Variants in RNF175 observed in about 807,000 individuals in gnomAD.
RNF175 encodes the protein ring finger protein 175.
Under a neutral mutation model 50.0 loss-of-function variants are expected in RNF175, and 38 were observed. That is an observed-to-expected ratio of 0.76 (90% CI 0.59 to 1.00). The LOEUF is 1.00. RNF175 is among the 50% of genes least tolerant of loss of function. RNF175 has a pLI of 0.00. For synonymous variants in RNF175, 155 were observed against 146.1 expected (o/e 1.06, Z -0.44); for missense variants, 388 against 409.6 (o/e 0.95, Z 0.46).
chr4:153,728,189 A>G lies in RNF175; in HGVS notation c.401+18T>C. On this transcript the variant is annotated intron_variant, in intron 4 of 8. Coordinates refer to ENST00000347063, the MANE Select transcript of RNF175 (RefSeq NM_173662.4). ...AAAATAAAGGGGCTCCTGGGGAAGG[A>G]ATGTATGGAATACATACCGTGGTGT... 1 of 1,563,270 alleles carries G rather than the reference A, an allele frequency of 6.4e-7. No homozygotes were observed.
chr4:153,755,284 C>T (rs1740505019), intron 1 of RNF175, among the ~76,000 whole-genome samples: 1 of 152,242 alleles, frequency 6.6e-6, no homozygotes, highest in South Asian at 2.1e-4. Flanking sequence ...CCTTGTTCTC[C>T]CTACAAAAAG....
intron 6 of RNF175, among the ~76,000 whole-genome samples, chr4:153,718,209 G>GTTTTTTTTTTTTTTT (rs1238895381): frequency 1.1e-5 from 1 of 92,596 alleles, no homozygotes; most frequent in African/African-American, 5.0e-5. Context: ...TTCCTAAGGA[G>GTTTTTTTTTTTTTTT]TTTTTTTTGT....
At chr4:153,750,750 C>T (rs1288934230) in intron 2 of RNF175, among the ~76,000 whole-genome samples, 3 of 152,058 alleles carry the variant, frequency 2.0e-5, no homozygotes, top group Admixed American at 6.5e-5. Flanking sequence ...TTATACAGCT[C>T]CAAATCTAAA....
intron 3 of RNF175, among the ~76,000 whole-genome samples, chr4:153,732,853 C>A (rs541465145): frequency 5.1e-4 from 78 of 152,234 alleles, no homozygotes; most frequent in African/African-American, 1.8e-3. Context: ...AGATTACCAG[C>A]TGGAAAGGGA....
At chr4:153,710,635 T>A in intron 8 of RNF175, 146 bp from the exon 9 acceptor site, 1 of 734,988 alleles carries the variant, frequency 1.4e-6, no homozygotes, top group Non-Finnish European at 2.2e-6. Context: ...GCCCCTTATG[T>A]GAGTTTTATA....
At chr4:153,738,625 A>G (rs1739477986) in intron 3 of RNF175, among the ~76,000 whole-genome samples, 1 of 152,198 alleles carries the variant, frequency 6.6e-6, no homozygotes, top group African/African-American at 2.4e-5. Context: ...ATATATCTGT[A>G]ACAACATATA....
At position 153,718,225 on chromosome 4, in the gene RNF175, TGTTTGTTTGTTTG is replaced by T. The variant is rs747277728; in HGVS notation, c.630+1946_630+1958del. ...TCCTAAGGAGTTTTTTTTGTTTGTTTGTTTGTTTGTTTGTTTTTTTTTTTTTTGAAGCAGATGC... is the reference window on the plus strand; with the variant it reads ...TCCTAAGGAGTTTTTTTTGTTTGTTTTTTTTTTTTTTTTTGAAGCAGATGC... On this transcript the variant is annotated intron_variant, in intron 6 of 8. Coordinates refer to ENST00000347063, the MANE Select transcript of RNF175 (RefSeq NM_173662.4). Among the ~76,000 whole-genome samples, 145 of 95,828 alleles carry T rather than the reference TGTTTGTTTGTTTG, an allele frequency of 1.5e-3. 10 individuals carry two copies. Among genetic ancestry groups the T allele is most frequent in the African/African-American group, 4.1e-3 (97 of 23,458 alleles). 62.9% of individuals were successfully genotyped at this position (95,828 alleles called of 152,430 possible).
intron 1 of RNF175, among the ~76,000 whole-genome samples, chr4:153,756,525 A>G (rs1579111758): frequency 6.6e-6 from 1 of 150,756 alleles, no homozygotes. Flanking sequence ...CCAACCCACT[A>G]CTCTCCTGTT....
At chr4:153,759,705 T>C in intron 1 of RNF175, 92 bp downstream of exon 1, 1 of 842,050 alleles carries the variant, frequency 1.2e-6, no homozygotes. Context: ...GCCCGGGGTC[T>C]TGGAGACCAG....
At chr4:153,747,782 C>A (rs1740054277) in intron 3 of RNF175, among the ~76,000 whole-genome samples, 1 of 152,214 alleles carries the variant, frequency 6.6e-6, no homozygotes, top group South Asian at 2.1e-4. Flanking sequence ...CATTTTCAGG[C>A]ATTTGTTATA....
At position 153,720,287 on chromosome 4, in the gene RNF175, G is replaced by A; in HGVS notation, c.527C>T (p.Ser176Phe). ...CAAAGACACAATGCCAAAATCCATG[G>A]AATCTCTAGCTTTGATTCTATTGAA... is the stretch of plus-strand genomic sequence containing the variant. ...NLFFKIKARDSMDFGIVSLFY... is the reference protein window; with the variant it reads ...NLFFKIKARDFMDFGIVSLFY... The change falls in exon 6 of 9, where the codon TCC (serine) becomes TTC (phenylalanine). Residue 176 changes from serine (S) to phenylalanine (F), a missense_variant. Coordinates refer to ENST00000347063, the MANE Select transcript of RNF175 (RefSeq NM_173662.4). 1.9e-6 allele frequency: 3 copies of A among 1,612,894 alleles called. No individual in the cohort carries two copies. Among genetic ancestry groups the A allele is most frequent in the Non-Finnish European group, 2.5e-6 (3 of 1,178,954 alleles).
chr4:153,735,509 C>T (rs765090261), intron 3 of RNF175, among the ~76,000 whole-genome samples: 16 of 152,210 alleles, frequency 1.1e-4, no homozygotes, highest in Middle Eastern at 3.4e-3. Context: ...TATTGTGGGT[C>T]CTTTGCTTTT....
intron 3 of RNF175, among the ~76,000 whole-genome samples, chr4:153,737,385 C>T (rs1267799862): frequency 1.3e-5 from 2 of 151,666 alleles, no homozygotes; most frequent in African/African-American, 4.8e-5. Flanking sequence ...TTCTAGTTTC[C>T]TCAGGTGGAT....
chr4:153,754,712 A>T (rs569651122), intron 1 of RNF175, among the ~76,000 whole-genome samples: 33 of 152,322 alleles, frequency 2.2e-4, no homozygotes, highest in African/African-American at 7.9e-4. Context: ...AAGGAGCGGA[A>T]GATTTGACAT....
chr4:153,736,208 C>G (rs557507745), intron 3 of RNF175, among the ~76,000 whole-genome samples: 1 of 152,212 alleles, frequency 6.6e-6, no homozygotes, highest in African/African-American at 2.4e-5. Flanking sequence ...TCTGCTACAT[C>G]TATTGATATG....
At position 153,759,938 on chromosome 4, in the gene RNF175, C is replaced by T; in HGVS notation, c.-76G>A. On this transcript the variant is annotated 5_prime_UTR_variant, in exon 1 of 9. Transcript: ENST00000347063. ...CCGCAGAGTCCGCAGAAGGAGGCGC[C>T]GCGGGGCCTCGGGAGCCGAGGGTGA... 1 of 884,856 alleles carries T rather than the reference C, an allele frequency of 1.1e-6. No individual in the cohort carries two copies. The highest frequency in any genetic ancestry group is 1.5e-6 in the Non-Finnish European group (1 of 656,008). The allele number at this position is 884,856 out of a possible 1,614,324, so 54.8% of individuals were successfully genotyped here. A position where few individuals can be genotyped will look rare whatever the true frequency, so the allele number is the denominator to read the frequency against.
chr4:153,716,430 C>A (rs1737932705), intron 6 of RNF175, among the ~76,000 whole-genome samples: 1 of 152,172 alleles, frequency 6.6e-6, no homozygotes, highest in Non-Finnish European at 1.5e-5. Flanking sequence ...TTATTGGGTG[C>A]ATGCTGAGCA....
rs1189560596 is a variant in RNF175 at position 153,748,765 on chromosome 4, G to T, written c.126C>A (p.Tyr42Ter). ...DTWNLQQERMYKMHRGHDSMH... is the reference protein window; with the variant it reads ...DTWNLQQERM ...TGGAATCGTGGCCCCGGTGCATCTT[G>T]TACATCCTCTCCTGCTGCAGGCTGG... Residue 42 changes from tyrosine to a stop codon, truncating the protein, a stop_gained, in exon 3 of 9, where the codon TAC becomes TAA. Transcript: ENST00000347063. LOFTEE classifies it high-confidence loss of function. 1.2e-6 allele frequency: 2 copies of T among 1,612,052 alleles called. No individual in the cohort carries two copies. The highest frequency in any genetic ancestry group is 1.7e-6 in the Non-Finnish European group (2 of 1,179,280).
intron 6 of RNF175, among the ~76,000 whole-genome samples, chr4:153,717,329 A>C (rs572011740): frequency 1.3e-5 from 2 of 152,216 alleles, no homozygotes; most frequent in South Asian, 4.1e-4. Context: ...CCAGGCTTAT[A>C]TTGTGTATTC....
Sources: gnomAD v4.1 joint callset for allele counts (sites outside exome capture counted in the v4.1 genomes callset) on GRCh38, gnomAD v4.1.1 for gene constraint, MANE v1.5 for transcripts, NCBI Gene and HGNC (gene_info 2026-07-23, HGNC 2026-07-21) for gene names.